IL1RAPL1: variants seen among roughly 807,000 people sequenced by gnomAD.
IL1RAPL1 encodes interleukin 1 receptor accessory protein like 1.
A neutral mutation model predicts 48.4 loss-of-function variants in IL1RAPL1; 3 were observed. The ratio of observed to expected loss-of-function variants is 0.06; its 90% CI spans 0.03 to 0.16. IL1RAPL1 has a LOEUF of 0.16. Ranked by LOEUF, IL1RAPL1 falls within the 10% of genes least tolerant of loss-of-function variation. The pLI, the probability that IL1RAPL1 is intolerant of heterozygous loss-of-function variation, is 1.00. For synonymous variants in IL1RAPL1, 185 were observed against 187.7 expected (o/e 0.99, Z 0.12); for missense variants, 349 against 530.6 (o/e 0.66, Z 3.36).
chrX:28,786,610 TC>T (rs1487820781), intron 1 of IL1RAPL1, among the ~76,000 whole-genome samples: 2 of 112,059 alleles, frequency 1.8e-5, no homozygotes, highest in African/African-American at 6.5e-5. Context: ...GGTTATTTGT[TC>T]CAAATCACAG....
intron 1 of IL1RAPL1, among the ~76,000 whole-genome samples, chrX:28,775,949 C>G (rs1487519833): frequency 8.9e-6 from 1 of 112,243 alleles, no homozygotes; most frequent in African/African-American, 3.2e-5. Context: ...CTCCATCACT[C>G]TCTACCCTCA....
At chrX:29,218,684 A>G (rs980410688) in intron 2 of IL1RAPL1, among the ~76,000 whole-genome samples, 5 of 112,165 alleles carry the variant, frequency 4.5e-5, no homozygotes, top group African/African-American at 1.6e-4. Flanking sequence ...CACTTTAAAA[A>G]CTTGGTTTAT....
chrX:28,956,634 C>G (rs1224848184), intron 2 of IL1RAPL1, among the ~76,000 whole-genome samples: 2 of 101,854 alleles, frequency 2.0e-5, no homozygotes, highest in Admixed American at 2.2e-4. Context: ...GGTGGATAAG[C>G]TTTTTGATGT....
rs191214375 is a variant in IL1RAPL1, at chrX:29,605,674, G to A, written c.704-62756G>A. ...GACTTATACTGTAATACACAAAATG[G>A]ATACTCGTTATTATGGCTTTGAGAC... On this transcript the variant is annotated intron_variant, in intron 5 of 10. Transcript: ENST00000378993. Among the ~76,000 whole-genome samples the A allele has an allele frequency of 3.2e-4, 36 of 111,727 alleles. 1 individual carries two copies. In the East Asian group the frequency reaches 7.8e-3, roughly 24 times the overall value.
chrX:28,596,949 G>C (rs1257256409), intron 1 of IL1RAPL1, among the ~76,000 whole-genome samples: 2 of 110,933 alleles, frequency 1.8e-5, no homozygotes, highest in Non-Finnish European at 3.8e-5. Flanking sequence ...CATGCACGTA[G>C]AGGGATTAGG....
rs983346583 is a variant in IL1RAPL1, at chrX:29,076,180, C to A, written c.83-206758C>A. 6.3e-5 allele frequency among the ~76,000 whole-genome samples: 7 copies of A among 111,914 alleles called. No homozygotes were observed. The Admixed American group carries it at 6.6e-4, about 11-fold the overall frequency. On this transcript the variant is annotated intron_variant, in intron 2 of 10. Coordinates refer to ENST00000378993, the MANE Select transcript of IL1RAPL1 (RefSeq NM_014271.4). ...CAAAAGAAAATACTTTGTCTTCTTT[C>A]ATACTCATTGTTTCTAACTCTTTCT... is the stretch of plus-strand genomic sequence containing the variant.
chrX:29,884,634 T>G (rs1244232344), intron 6 of IL1RAPL1, among the ~76,000 whole-genome samples: 2 of 111,303 alleles, frequency 1.8e-5, no homozygotes, highest in African/African-American at 6.5e-5. Context: ...TGCCCTGACA[T>G]TTCTCAAATC....
intron 5 of IL1RAPL1, among the ~76,000 whole-genome samples, chrX:29,512,035 A>G (rs1033147159): frequency 9.0e-6 from 1 of 111,462 alleles, no homozygotes; most frequent in African/African-American, 3.3e-5. Flanking sequence ...CAATGTAATC[A>G]TACAACATTT....
At chrX:29,163,648 G>A (rs1929729944) in intron 2 of IL1RAPL1, among the ~76,000 whole-genome samples, 1 of 111,282 alleles carries the variant, frequency 9.0e-6, no homozygotes, top group Non-Finnish European at 1.9e-5. Context: ...AAAGGGACAT[G>A]GTAGAAGCAG....
chrX:29,862,651 TTTA>T (rs984068218), intron 6 of IL1RAPL1, among the ~76,000 whole-genome samples: 3 of 111,511 alleles, frequency 2.7e-5, no homozygotes, highest in Non-Finnish European at 5.6e-5. Flanking sequence ...TAATTTTCAT[TTTA>T]TTATTATTTT....
intron 3 of IL1RAPL1, 111 bp from the exon 4 acceptor site, chrX:29,396,147 A>T (rs1933916737): frequency 1.7e-6 from 1 of 576,284 alleles, no homozygotes; most frequent in African/African-American, 2.3e-5. Flanking sequence ...CCATAAAATT[A>T]GTTAAACAGT....
chrX:29,432,669 T>G (rs1237135993), intron 5 of IL1RAPL1, among the ~76,000 whole-genome samples: 1 of 111,721 alleles, frequency 9.0e-6, no homozygotes, highest in Non-Finnish European at 1.9e-5. Flanking sequence ...CTGTGCAGAG[T>G]AAAGGAATAG....
chrX:29,413,329 G>A (rs1934169470), intron 5 of IL1RAPL1, among the ~76,000 whole-genome samples: 1 of 111,814 alleles, frequency 8.9e-6, no homozygotes. Context: ...GTTTGTTTCA[G>A]TTAATGTAAT....
chrX:29,171,898 G>A (rs906193041), intron 2 of IL1RAPL1, among the ~76,000 whole-genome samples: 1 of 112,032 alleles, frequency 8.9e-6, no homozygotes, highest in African/African-American at 3.2e-5. Flanking sequence ...TTTTTTAATG[G>A]GTAAAATAGG....
At chrX:29,414,714 T>G (rs1299442116) in intron 5 of IL1RAPL1, among the ~76,000 whole-genome samples, 1 of 111,950 alleles carries the variant, frequency 8.9e-6, no homozygotes, top group Non-Finnish European at 1.9e-5. Flanking sequence ...AGATTTTTTT[T>G]TAAAGATCAT....
chrX:29,919,255 A>T (rs926584677), intron 7 of IL1RAPL1, among the ~76,000 whole-genome samples: 2 of 111,949 alleles, frequency 1.8e-5, no homozygotes. Flanking sequence ...GAAATGCTAA[A>T]ATAAATGAAG....
chrX:29,048,496 G>A (rs1172943991), intron 2 of IL1RAPL1, among the ~76,000 whole-genome samples: 1 of 111,618 alleles, frequency 9.0e-6, no homozygotes, highest in Non-Finnish European at 1.9e-5. Context: ...TCCAATTTTA[G>A]CATACAAATC....
At chrX:29,141,999 AATATGTC>A (rs1929252427) in intron 2 of IL1RAPL1, among the ~76,000 whole-genome samples, 2 of 111,944 alleles carry the variant, frequency 1.8e-5, no homozygotes, top group Non-Finnish European at 1.9e-5. Context: ...TTGTATTTAA[AATATGTC>A]ATTTTTTTCT....
At position 28,931,890 on chromosome X, in the gene IL1RAPL1, A is replaced by C. The variant is rs1923891341; in HGVS notation, c.82+142465A>C. ...GTCTCTACTAAAAATACAAAAAAAA[A>C]AATTAGCTGGGCGTGGTGGTGGGCA... On this transcript the variant is annotated intron_variant, in intron 2 of 10. Transcript: ENST00000378993. Among the ~76,000 whole-genome samples the C allele has an allele frequency of 4.6e-5, 5 of 108,220 alleles. No individual in the cohort carries two copies. The South Asian group carries it at 2.0e-3, about 44-fold the overall frequency. 94.0% of individuals were successfully genotyped at this position (108,220 alleles called of 115,157 possible). A position where few individuals can be genotyped will look rare whatever the true frequency, so the allele number is the denominator to read the frequency against.
Sources: allele counts gnomAD v4.1 joint callset (sites outside exome capture counted in the v4.1 genomes callset), GRCh38; gene constraint gnomAD v4.1.1; transcripts MANE v1.5; gene names NCBI Gene and HGNC (gene_info 2026-07-23, HGNC 2026-07-21).